IL26: variants seen among roughly 807,000 people sequenced by gnomAD.
IL26 encodes the protein interleukin 26.
Under a neutral mutation model 21.7 loss-of-function variants are expected in IL26, and 23 were observed. That is an observed-to-expected ratio of 1.06 (90% CI 0.76 to 1.50). The LOEUF is 1.50. Ranked by LOEUF, IL26 falls within the 40% of genes most tolerant of loss-of-function variation. The pLI, the probability that IL26 is intolerant of heterozygous loss-of-function variation, is 0.00. For synonymous variants in IL26, 63 were observed against 67.8 expected, an observed-to-expected ratio of 0.93 and a Z score of 0.34; for missense variants, 204 against 196.0, an observed-to-expected ratio of 1.04 and a Z score of -0.24.
At chr12:68,225,560 G>T (rs758011289) in intron 1 of IL26, 26 bp downstream of exon 1, 1 of 1,612,734 alleles carries the variant, frequency 6.2e-7, no homozygotes, top group Non-Finnish European at 8.5e-7. Flanking sequence ...TTGAGGTCAT[G>T]ATTTTAAGCA....
chr12:68,211,990 T>C (rs1868746572), intron 3 of IL26, among the ~76,000 whole-genome samples: 1 of 152,190 alleles, frequency 6.6e-6, no homozygotes, highest in South Asian at 2.1e-4. Context: ...TCAAGTTTTC[T>C]TCCAATAGTT....
intron 3 of IL26, among the ~76,000 whole-genome samples, chr12:68,210,558 G>A (rs1476481344): frequency 6.6e-5 from 10 of 152,076 alleles, no homozygotes; most frequent in Admixed American, 6.5e-5. Context: ...GTGTCTCTCT[G>A]CGAAACCAAA....
At chr12:68,223,884 G>GTTTTTTTTTTTTTTTTTTTTTTTT (rs376115904) in intron 3 of IL26, among the ~76,000 whole-genome samples, 1 of 132,270 alleles carries the variant, frequency 7.6e-6, no homozygotes. Flanking sequence ...AAATTTGGTG[G>GTTTTTTTTTTTTTTTTTTTTTTTT]TTTTTTTTTT....
chr12:68,225,144 CTT>C lies in IL26; in HGVS notation c.363+3_363+4del. ...AAATGCACAGTATTTGTTGTGTATACTTACACAGTGGCTCAATTTCTGCCTAA... is the reference window on the plus strand; with the variant it reads ...AAATGCACAGTATTTGTTGTGTATACACACAGTGGCTCAATTTCTGCCTAA... On this transcript the variant is annotated splice_donor_region_variant and intron_variant, in intron 3 of 4. Transcript: ENST00000229134. The C allele has an allele frequency of 6.2e-7, 1 of 1,607,298 alleles. No individual in the cohort carries two copies. The highest frequency in any genetic ancestry group is 8.5e-7 in the Non-Finnish European group (1 of 1,177,676).
chr12:68,215,240 A>G (rs1390116202), intron 3 of IL26, among the ~76,000 whole-genome samples: 1 of 152,178 alleles, frequency 6.6e-6, no homozygotes, highest in East Asian at 1.9e-4. Context: ...GATGATGGGA[A>G]AGCTGATTGT....
chr12:68,204,087 TC>T (rs977253596), intron 3 of IL26, among the ~76,000 whole-genome samples: 1 of 151,942 alleles, frequency 6.6e-6, no homozygotes, highest in Non-Finnish European at 1.5e-5. Context: ...ATGCATAGAA[TC>T]CTTTTTAAAA....
At chr12:68,204,141 ATTT>A (rs6144754) in intron 3 of IL26, among the ~76,000 whole-genome samples, 8 of 113,180 alleles carry the variant, frequency 7.1e-5, no homozygotes, top group African/African-American at 1.0e-4. Flanking sequence ...GGATTCAAAG[ATTT>A]TTTTTTTTTT....
chr12:68,209,592 G>T (rs1592896382), intron 3 of IL26, among the ~76,000 whole-genome samples: 1 of 152,104 alleles, frequency 6.6e-6, no homozygotes, highest in Non-Finnish European at 1.5e-5. Flanking sequence ...ATTATGGTGC[G>T]TCAGGGTAGC....
intron 3 of IL26, among the ~76,000 whole-genome samples, chr12:68,221,689 C>T (rs1869050474): frequency 6.6e-6 from 1 of 152,196 alleles, no homozygotes; most frequent in Non-Finnish European, 1.5e-5. Flanking sequence ...CTCTAGCTGA[C>T]AACATGTGAT....
At chr12:68,219,542 G>T (rs1429572837) in intron 3 of IL26, among the ~76,000 whole-genome samples, 1 of 151,536 alleles carries the variant, frequency 6.6e-6, no homozygotes, top group East Asian at 1.9e-4. Context: ...GTACTTAGAG[G>T]GAAATTTATA....
Position 68,201,819 on chromosome 12 carries a change from G to A in IL26, c.*26C>T. The A allele has an allele frequency of 6.8e-7, 1 of 1,461,100 alleles. No homozygotes were observed. Among genetic ancestry groups the A allele is most frequent in the African/African-American group, 1.4e-5 (1 of 70,106 alleles). 90.5% of individuals were successfully genotyped at this position (1,461,100 alleles called of 1,614,324 possible). A position where few individuals can be genotyped will look rare whatever the true frequency, so the allele number is the denominator to read the frequency against. ...GTTCTTATTGTATTTCAAAATAACT[G>A]TAAAATCAATGTACTTGGCTTTGGT... On this transcript the variant is annotated 3_prime_UTR_variant, in exon 5 of 5. Coordinates refer to ENST00000229134, the MANE Select transcript of IL26 (RefSeq NM_018402.2).
intron 3 of IL26, among the ~76,000 whole-genome samples, chr12:68,223,820 C>A (rs1454563302): frequency 6.8e-6 from 1 of 147,880 alleles, no homozygotes; most frequent in African/African-American, 2.5e-5. Flanking sequence ...ACATGCAATC[C>A]AAACCTAAGT....
intron 3 of IL26, among the ~76,000 whole-genome samples, chr12:68,223,241 C>G (rs3782554): frequency 0.46 from 70,118 of 151,924 alleles, 17,116 homozygotes; most frequent in East Asian, 0.61. Context: ...GAGGTGGGAG[C>G]AGGGAAGAAG....
rs138151107 is a variant in IL26 at position 68,203,144 on chromosome 12, G to A, written c.364-1061C>T. On this transcript the variant is annotated intron_variant, in intron 3 of 4. Coordinates refer to ENST00000229134, the MANE Select transcript of IL26 (RefSeq NM_018402.2). ...AGGAGAAGCAGCAGGCTAGTATCTC[G>A]AGCAGCTGGCTTGTAGGCTGGCTGG... 2.2e-3 allele frequency among the ~76,000 whole-genome samples: 340 copies of A among 152,286 alleles called. 4 individuals carry two copies. The highest frequency in any genetic ancestry group is 6.9e-3 in the African/African-American group (286 of 41,564).
intron 3 of IL26, among the ~76,000 whole-genome samples, chr12:68,216,337 T>C (rs1465167503): frequency 6.6e-6 from 1 of 152,122 alleles, no homozygotes; most frequent in Admixed American, 6.5e-5. Context: ...CATTATACAA[T>C]ATAATACTAA....
Position 68,202,798 on chromosome 12 carries a change from G to A in IL26, c.364-715C>T, listed in dbSNP as rs11571060. ...AAGTTGAGATAACAGAAATGGGAAGGCACAGGCTATATGAGAAACTGAGGA... is the reference window on the plus strand; with the variant it reads ...AAGTTGAGATAACAGAAATGGGAAGACACAGGCTATATGAGAAACTGAGGA... On this transcript the variant is annotated intron_variant, in intron 3 of 4. Coordinates refer to ENST00000229134, the MANE Select transcript of IL26 (RefSeq NM_018402.2). Among the ~76,000 whole-genome samples the A allele has an allele frequency of 5.9e-3, 893 of 152,196 alleles. 6 individuals carry two copies. Among genetic ancestry groups the A allele is most frequent in the African/African-American group, 0.02 (849 of 41,510 alleles).
At chr12:68,215,983 C>T (rs1289907397) in intron 3 of IL26, among the ~76,000 whole-genome samples, 1 of 150,270 alleles carries the variant, frequency 6.7e-6, no homozygotes, top group Non-Finnish European at 1.5e-5. Flanking sequence ...CATGCTCAGC[C>T]TATTTATCTT....
chr12:68,211,131 T>G (rs1209510179), intron 3 of IL26, among the ~76,000 whole-genome samples: 1 of 152,200 alleles, frequency 6.6e-6, no homozygotes, highest in African/African-American at 2.4e-5. Context: ...ACCTATTCAC[T>G]GTCTTCATGA....
chr12:68,222,416 GT>G (rs1384097480), intron 3 of IL26, among the ~76,000 whole-genome samples: 8 of 152,170 alleles, frequency 5.3e-5, no homozygotes, highest in African/African-American at 1.9e-4. Flanking sequence ...CCAAAATTCT[GT>G]GTAAATCAGC....
Sources: gnomAD v4.1 joint callset for allele counts (sites outside exome capture counted in the v4.1 genomes callset) on GRCh38, gnomAD v4.1.1 for gene constraint, MANE v1.5 for transcripts, NCBI Gene and HGNC (gene_info 2026-07-23, HGNC 2026-07-21) for gene names.